Variants in CA10 observed in about 807,000 individuals in gnomAD.
The protein encoded by CA10 is carbonic anhydrase-related protein 10.
In CA10, 14 loss-of-function variants were observed where a neutral mutation model predicts 44.2. That is an observed-to-expected ratio of 0.32 (90% CI 0.21 to 0.50). The LOEUF is 0.50. CA10 is among the 20% of genes least tolerant of loss of function. The pLI is 0.99. For synonymous variants in CA10, 159 were observed against 141.6 expected, an observed-to-expected ratio of 1.12 and a Z score of -0.87; for missense variants, 350 against 409.7, an observed-to-expected ratio of 0.85 and a Z score of 1.26.
chr17:52,141,247 C>T (rs139535012), intron 1 of CA10, among the ~76,000 whole-genome samples: 21 of 152,272 alleles, frequency 1.4e-4, no homozygotes, highest in African/African-American at 4.8e-4. Context: ...AAATGCAAAC[C>T]AGCACAAACT....
At chr17:51,849,494 T>A (rs555548536) in intron 3 of CA10, among the ~76,000 whole-genome samples, 1 of 151,860 alleles carries the variant, frequency 6.6e-6, no homozygotes, top group Non-Finnish European at 1.5e-5. Flanking sequence ...AACGGAAAGA[T>A]CTGTGATCAG....
intron 3 of CA10, among the ~76,000 whole-genome samples, chr17:51,755,009 G>C (rs893645358): frequency 6.6e-6 from 1 of 151,756 alleles, no homozygotes; most frequent in Non-Finnish European, 1.5e-5. Flanking sequence ...AAACACATAT[G>C]CATTTTATCT....
intron 1 of CA10, among the ~76,000 whole-genome samples, chr17:52,120,030 G>A (rs1393718840): frequency 9.2e-5 from 14 of 152,130 alleles, no homozygotes; most frequent in Admixed American, 9.2e-4. Context: ...TAAATAGGGT[G>A]CCCATCACCC....
chr17:52,050,894 A>G (rs924778343), intron 2 of CA10, among the ~76,000 whole-genome samples: 2 of 152,052 alleles, frequency 1.3e-5, no homozygotes, highest in African/African-American at 2.4e-5. Context: ...AGCTGAGAGG[A>G]CAAGACCATA....
At chr17:52,102,157 T>A (rs1988554770) in intron 1 of CA10, among the ~76,000 whole-genome samples, 1 of 152,214 alleles carries the variant, frequency 6.6e-6, no homozygotes, top group Admixed American at 6.5e-5. Context: ...TCTAACTCCC[T>A]ATAACACTCT....
At chr17:51,754,404 T>TAG (rs1905008925) in intron 3 of CA10, among the ~76,000 whole-genome samples, 1 of 10,002 alleles carries the variant, frequency 1.0e-4, no homozygotes, top group Non-Finnish European at 2.0e-4. Flanking sequence ...GTGTGTGATA[T>TAG]ATATATATAT....
rs371983900 is a variant in CA10 at position 51,715,906 on chromosome 17, T to C, written c.465+31727A>G. ...GGTTTCACCATGTTGGCCAGGCTGG[T>C]CTCGAACTCCTGACCTCAGGTGATC... On this transcript the variant is annotated intron_variant, in intron 4 of 8. Coordinates refer to ENST00000451037, the MANE Select transcript of CA10 (RefSeq NM_020178.5). Among the ~76,000 whole-genome samples, 9 of 152,310 alleles carry C rather than the reference T, an allele frequency of 5.9e-5. No individual in the cohort carries two copies. The East Asian group carries it at 1.7e-3, about 29-fold the overall frequency.
In CA10 at chr17:52,017,021, G is replaced by T. The variant is rs80261138; in HGVS notation, c.136+55298C>A. On this transcript the variant is annotated intron_variant, in intron 2 of 8. Transcript: ENST00000451037. Reference sequence around the variant, plus strand: ...TCTCCTTTGTCTTCCAACATGATTGGAAGATTCTTGAGGCTCTCGCTAGAA... The same window carrying T: ...TCTCCTTTGTCTTCCAACATGATTGTAAGATTCTTGAGGCTCTCGCTAGAA... Among the ~76,000 whole-genome samples, 380 of 152,194 alleles carry T rather than the reference G, an allele frequency of 2.5e-3. 16 individuals carry two copies. The East Asian group carries it at 0.063, about 25-fold the overall frequency.
At chr17:51,644,167 TC>T (rs1318461552) in intron 6 of CA10, among the ~76,000 whole-genome samples, 1 of 90,232 alleles carries the variant, frequency 1.1e-5, no homozygotes, top group Non-Finnish European at 2.5e-5. Flanking sequence ...TTTGCACAGT[TC>T]CCCCCCTTTT....
intron 3 of CA10, among the ~76,000 whole-genome samples, chr17:51,778,847 G>A (rs1905931108): frequency 6.6e-6 from 1 of 152,132 alleles, no homozygotes; most frequent in Non-Finnish European, 1.5e-5. Flanking sequence ...GTGTTTCCTG[G>A]AGAAATAAAC....
intron 1 of CA10, among the ~76,000 whole-genome samples, chr17:52,109,678 G>A (rs1988748844): frequency 6.6e-6 from 1 of 152,238 alleles, no homozygotes; most frequent in Admixed American, 6.5e-5. Context: ...TCAATCCCAT[G>A]AGCAAGTCTT....
chr17:51,827,944 C>T (rs554694252), intron 3 of CA10, among the ~76,000 whole-genome samples: 2 of 152,212 alleles, frequency 1.3e-5, no homozygotes, highest in African/African-American at 4.8e-5. Context: ...CTCTCATATG[C>T]TGGCAGGATG....
chr17:51,913,222 C>T (rs2143954797), intron 3 of CA10, among the ~76,000 whole-genome samples: 1 of 152,262 alleles, frequency 6.6e-6, no homozygotes, highest in East Asian at 1.9e-4. Context: ...GGTTTCAGGA[C>T]ACTCTCAGGA....
intron 3 of CA10, among the ~76,000 whole-genome samples, chr17:51,796,501 T>C (rs1906716246): frequency 6.6e-6 from 1 of 152,168 alleles, no homozygotes; most frequent in Non-Finnish European, 1.5e-5. Context: ...GGGAAGAGAT[T>C]GAGTCAACAA....
intron 7 of CA10, 122 bp downstream of exon 7, chr17:51,635,733 C>T (rs539458469): frequency 3.4e-5 from 23 of 682,948 alleles, no homozygotes; most frequent in Non-Finnish European, 4.9e-5. Context: ...TTTAAACTAC[C>T]CAGTTTGTGG....
chr17:51,650,136 C>G (rs1048645621), intron 5 of CA10, among the ~76,000 whole-genome samples: 1 of 152,134 alleles, frequency 6.6e-6, no homozygotes, highest in Non-Finnish European at 1.5e-5. Flanking sequence ...GGAGAAGAAA[C>G]CAGGTTTCCA....
intron 3 of CA10, among the ~76,000 whole-genome samples, chr17:51,808,825 T>C (rs1480895312): frequency 6.6e-6 from 1 of 152,074 alleles, no homozygotes. Context: ...AGAACTAGAG[T>C]ATATTGTTAT....
intron 3 of CA10, among the ~76,000 whole-genome samples, chr17:51,918,451 G>T (rs1267659597): frequency 6.6e-6 from 1 of 152,138 alleles, no homozygotes; most frequent in Non-Finnish European, 1.5e-5. Context: ...AGTTTGATAG[G>T]TTTCTATTAG....
At chr17:52,093,007 CA>C (rs1202123399) in intron 1 of CA10, among the ~76,000 whole-genome samples, 3 of 152,200 alleles carry the variant, frequency 2.0e-5, no homozygotes, top group East Asian at 3.9e-4. Flanking sequence ...TCATTTCCTT[CA>C]ATGTAATGTT....
Sources: gnomAD v4.1 joint callset for allele counts (sites outside exome capture counted in the v4.1 genomes callset) on GRCh38, gnomAD v4.1.1 for gene constraint, MANE v1.5 for transcripts, NCBI Gene and HGNC (gene_info 2026-07-23, HGNC 2026-07-21) for gene names.